EPG5: variants seen among roughly 807,000 people sequenced by gnomAD.
The protein encoded by EPG5 is ectopic P-granules 5 autophagy tethering factor, also known as ectopic P granules protein 5 homolog.
A neutral mutation model predicts 302.7 loss-of-function variants in EPG5; 159 were observed. The observed-to-expected ratio is 0.53, with a 90% CI of 0.46 to 0.60. The LOEUF (loss-of-function observed/expected upper bound fraction) is 0.60. EPG5 is among the 20% of genes least tolerant of loss of function. The probability of loss-of-function intolerance (pLI) is 0.00; values close to 1 mark genes in which losing one functional copy is unlikely to be tolerated. For synonymous variants in EPG5, 1,158 were observed against 1,136.8 expected, an observed-to-expected ratio of 1.02 and a Z score of -0.37; for missense variants, 2,896 against 3,092.4, an observed-to-expected ratio of 0.94 and a Z score of 1.51.
In EPG5 at chr18:45,929,012, A is replaced by C. The variant is rs750105637; in HGVS notation, c.2413-3T>G. ...GTAGACAAGGTGACATAAGATACCTAAATGGGGGGAAGGGGGAAGAAGATG... is the reference window on the plus strand; with the variant it reads ...GTAGACAAGGTGACATAAGATACCTCAATGGGGGGAAGGGGGAAGAAGATG... On this transcript the variant is annotated splice_region_variant and splice_polypyrimidine_tract_variant and intron_variant, in intron 12 of 43. Coordinates refer to ENST00000282041, the MANE Select transcript of EPG5 (RefSeq NM_020964.3). The C allele has an allele frequency of 6.8e-6, 11 of 1,613,216 alleles. No homozygotes were observed. In the African/African-American group the frequency reaches 1.3e-4, roughly 20 times the overall value.
At chr18:45,830,474 TGGG>T in the EPG5 span, among the ~76,000 whole-genome samples, 1 of 152,154 alleles carries the variant, frequency 6.6e-6, no homozygotes, top group Non-Finnish European at 1.5e-5. Context: ...AAGGGAGCTA[TGGG>T]GGGAATTTCG....
At chr18:45,960,883 AC>A (rs2051133719) in intron 1 of EPG5, among the ~76,000 whole-genome samples, 1 of 152,198 alleles carries the variant, frequency 6.6e-6, no homozygotes, top group African/African-American at 2.4e-5. Flanking sequence ...CTTGAAAAAA[AC>A]ATGTAAAGAT....
chr18:45,821,271 AT>A, the EPG5 span, among the ~76,000 whole-genome samples: 1 of 152,236 alleles, frequency 6.6e-6, no homozygotes, highest in Admixed American at 6.5e-5. Flanking sequence ...AAATCCATGC[AT>A]GCACTATAAA....
the EPG5 span, among the ~76,000 whole-genome samples, chr18:45,811,293 C>A: frequency 2.0e-5 from 3 of 152,076 alleles, no homozygotes; most frequent in Non-Finnish European, 2.9e-5. Context: ...GCTCCTAGAA[C>A]TGATAAAAGA....
intron 1 of EPG5, among the ~76,000 whole-genome samples, chr18:45,959,013 A>T (rs2051090140): frequency 6.7e-6 from 1 of 149,820 alleles, no homozygotes; most frequent in Non-Finnish European, 1.5e-5. Context: ...CCACCAAGTT[A>T]TCCTTAAAAA....
the EPG5 span, among the ~76,000 whole-genome samples, chr18:45,814,520 A>G: frequency 6.6e-6 from 1 of 152,242 alleles, no homozygotes; most frequent in Admixed American, 6.5e-5. Context: ...AATAATGCAT[A>G]CATGTTAAAT....
At chr18:45,876,127 C>A in intron 35 of EPG5, 109 bp downstream of exon 35, 1 of 708,504 alleles carries the variant, frequency 1.4e-6, no homozygotes, top group Non-Finnish European at 2.4e-6. Flanking sequence ...TCTTCAGTCA[C>A]AAATAACTGC....
rs1413145955 is a variant in EPG5 at position 45,917,825 on chromosome 18, G to GA, written c.3099-7dup. On this transcript the variant is annotated splice_polypyrimidine_tract_variant and splice_region_variant and intron_variant, in intron 16 of 43. Coordinates refer to ENST00000282041, the MANE Select transcript of EPG5 (RefSeq NM_020964.3). ...CTGCACAGAACTTCTCAATGCTATG[G>GA]AAAAAGAGAAAGGCACTGAATACAC... 6.2e-7 allele frequency: 1 copy of GA among 1,613,322 alleles called. No homozygotes were observed. The highest frequency in any genetic ancestry group is 2.2e-5 in the East Asian group (1 of 44,868).
intron 27 of EPG5, among the ~76,000 whole-genome samples, chr18:45,898,901 T>C (rs1482134379): frequency 6.6e-6 from 1 of 152,062 alleles, no homozygotes; most frequent in Non-Finnish European, 1.5e-5. Context: ...CCGAGGCGGG[T>C]GGATCACCAG....
In EPG5 at chr18:45,892,748, A is replaced by C. The variant is rs540728902; in HGVS notation, c.4810-2808T>G. ...TGCCTTTGTATACCCCAAACAAGCT[A>C]TCCATAGCTCAGACGCTTGCAGATA... On this transcript the variant is annotated intron_variant, in intron 27 of 43. Transcript: ENST00000282041. 1.9e-4 allele frequency among the ~76,000 whole-genome samples: 29 copies of C among 152,352 alleles called. No individual in the cohort carries two copies. The South Asian group carries it at 5.8e-3, about 30-fold the overall frequency.
chr18:45,935,742 T>A (rs1051237043), intron 10 of EPG5, among the ~76,000 whole-genome samples: 2 of 152,084 alleles, frequency 1.3e-5, no homozygotes, highest in African/African-American at 4.8e-5. Flanking sequence ...ATCCATCCAG[T>A]ACTCCTCTCT....
Position 45,848,040 on chromosome 18 carries a change from G to A in EPG5, c.*4427C>T, listed in dbSNP as rs2048380718. Reference sequence around the variant, plus strand: ...TCAGGAATCAGGAACCTACCAGAGTGAAGGAAACCTCAAATACAGCTACTC... The same window carrying A: ...TCAGGAATCAGGAACCTACCAGAGTAAAGGAAACCTCAAATACAGCTACTC... On this transcript the variant is annotated 3_prime_UTR_variant, in exon 44 of 44. Transcript: ENST00000282041. The A allele has an allele frequency of 6.6e-6, 1 of 151,962 alleles. No individual in the cohort carries two copies. The highest frequency in any genetic ancestry group is 1.5e-5 in the Non-Finnish European group (1 of 68,006). 9.4% of individuals were successfully genotyped at this position (151,962 alleles called of 1,614,324 possible).
chr18:45,829,376 CTCTCTGA>C, the EPG5 span, among the ~76,000 whole-genome samples: 1 of 152,204 alleles, frequency 6.6e-6, no homozygotes, highest in Admixed American at 6.5e-5. Context: ...CCCTCCTCTG[CTCTCTGA>C]TCTCCACCCC....
rs1236514982 is a variant in EPG5 at position 45,928,589 on chromosome 18, A to G, written c.2553+280T>C. Among the ~76,000 whole-genome samples, 10 of 152,252 alleles carry G rather than the reference A, an allele frequency of 6.6e-5. No individual in the cohort carries two copies. The East Asian group carries it at 1.7e-3, about 26-fold the overall frequency. On this transcript the variant is annotated intron_variant, in intron 13 of 43. Transcript: ENST00000282041. ...ACAAATTATGAAATAAAAATTGTTA[A>G]TTAACTATAGGTCATAAGTAAAGTA... is the stretch of plus-strand genomic sequence containing the variant.
chr18:45,863,817 G>A (rs1044434556), intron 39 of EPG5, among the ~76,000 whole-genome samples: 1 of 152,092 alleles, frequency 6.6e-6, no homozygotes, highest in Non-Finnish European at 1.5e-5. Context: ...GGATGTAAAG[G>A]GTTTTGTTTT....
In EPG5 at chr18:45,866,968, G is replaced by A. The variant is rs754870705; in HGVS notation, c.6451C>T (p.Leu2151Phe). Residue 2151 changes from leucine (L) to phenylalanine (F), a missense_variant, in exon 38 of 44, where the codon CTT becomes TTT. Coordinates refer to ENST00000282041, the MANE Select transcript of EPG5 (RefSeq NM_020964.3). ...LLSLLGQTSS[L>F]SWHLVDIVSY... ...ACAATATCCACAAGATGCCATGAAAGTGAGCTTGTCTGTCCAAGGAGACTA... is the reference window on the plus strand; with the variant it reads ...ACAATATCCACAAGATGCCATGAAAATGAGCTTGTCTGTCCAAGGAGACTA... The A allele has an allele frequency of 1.2e-6, 2 of 1,614,068 alleles. No individual in the cohort carries two copies. The highest frequency in any genetic ancestry group is 1.7e-5 in the Admixed American group (1 of 60,010).
chr18:45,877,876 A>G (rs576044336), intron 34 of EPG5, among the ~76,000 whole-genome samples: 1 of 152,142 alleles, frequency 6.6e-6, no homozygotes, highest in South Asian at 2.1e-4. Flanking sequence ...ACTTTCAGGG[A>G]AAAAAAAGAC....
At chr18:45,828,627 G>A in the EPG5 span, among the ~76,000 whole-genome samples, 2 of 152,212 alleles carry the variant, frequency 1.3e-5, no homozygotes, top group African/African-American at 4.8e-5. Context: ...GCACAGCCTT[G>A]CAAGTGAGGC....
chr18:45,904,788 G>A (rs1291485377), intron 24 of EPG5, among the ~76,000 whole-genome samples: 2 of 151,970 alleles, frequency 1.3e-5, no homozygotes, highest in East Asian at 3.9e-4. Flanking sequence ...CTTGAACATT[G>A]ACTAAATATT....
Sources: allele counts gnomAD v4.1 joint callset (sites outside exome capture counted in the v4.1 genomes callset), GRCh38; gene constraint gnomAD v4.1.1; transcripts MANE v1.5; gene names NCBI Gene and HGNC (gene_info 2026-07-23, HGNC 2026-07-21).